The following NEK11 variants were observed in gnomAD, a reference collection of about 807,000 sequenced individuals.
NEK11 encodes serine/threonine-protein kinase Nek11.
A neutral mutation model predicts 80.7 loss-of-function variants in NEK11; 72 were observed. The observed-to-expected ratio is 0.89, with a 90% CI of 0.74 to 1.08. NEK11 has a LOEUF of 1.08. NEK11 is among the 50% of genes least tolerant of loss of function. NEK11 has a pLI of 0.00. For missense variants in NEK11, 764 were observed against 763.6 expected, an observed-to-expected ratio of 1.00 and a Z score of -0.01; for synonymous variants, 251 against 260.7, an observed-to-expected ratio of 0.96 and a Z score of 0.36.
chr3:131,338,621 C>T (rs747084678), intron 17 of NEK11, among the ~76,000 whole-genome samples: 15 of 152,128 alleles, frequency 9.9e-5, no homozygotes, highest in Admixed American at 2.0e-4. Context: ...AATGGATAAA[C>T]CAACTGCAGC....
chr3:131,111,878 T>G (rs2080191075), intron 5 of NEK11, among the ~76,000 whole-genome samples: 1 of 152,164 alleles, frequency 6.6e-6, no homozygotes, highest in Non-Finnish European at 1.5e-5. Context: ...GTTGTTATAA[T>G]TTAATATAGA....
intron 17 of NEK11, among the ~76,000 whole-genome samples, chr3:131,277,693 C>A (rs1181685229): frequency 6.6e-6 from 1 of 152,096 alleles, no homozygotes; most frequent in African/African-American, 2.4e-5. Context: ...TAGAGTAGAC[C>A]CTAGCACAGT....
intron 17 of NEK11, among the ~76,000 whole-genome samples, chr3:131,347,278 T>C (rs1459398117): frequency 6.6e-6 from 1 of 152,220 alleles, no homozygotes; most frequent in Non-Finnish European, 1.5e-5. Context: ...CTTATTCTCA[T>C]CTGTAAAATG....
intron 3 of NEK11, among the ~76,000 whole-genome samples, chr3:131,055,505 A>T (rs931555024): frequency 1.3e-5 from 2 of 152,086 alleles, no homozygotes; most frequent in Non-Finnish European, 2.9e-5. Context: ...GGAGGCTGAT[A>T]TGGGAGGATT....
chr3:131,148,037 T>G (rs1485707379), intron 7 of NEK11, among the ~76,000 whole-genome samples: 1 of 151,880 alleles, frequency 6.6e-6, no homozygotes, highest in African/African-American at 2.4e-5. Context: ...TTCCCTCCTA[T>G]ATCTGGTGTG....
chr3:131,040,681 A>C (rs77299371), intron 3 of NEK11, among the ~76,000 whole-genome samples: 1,539 of 152,296 alleles, frequency 0.01, 21 homozygotes, highest in East Asian at 0.074. Flanking sequence ...GAGAAAAATC[A>C]TAGGCTTTGT....
Position 131,152,496 on chromosome 3 carries a change from C to T in NEK11, c.756C>T (p.Leu252=). 2 of 1,613,650 alleles carry T rather than the reference C, an allele frequency of 1.2e-6. No homozygotes were observed. The highest frequency in any genetic ancestry group is 1.7e-6 in the Non-Finnish European group (2 of 1,179,748). The change falls in exon 8 of 18, where the codon CTC becomes CTT. Residue 252 remains leucine, a synonymous_variant. Transcript: ENST00000383366. ...LKIVEGDTPS[L]PERYPKELNA... ...TTGTTGAAGGTGACACACCTTCTCT[C>T]CCTGAGAGATATCCAAAAGAACTAA... is the stretch of plus-strand genomic sequence containing the variant.
chr3:131,047,079 G>A (rs1203047270), intron 3 of NEK11, among the ~76,000 whole-genome samples: 1 of 152,024 alleles, frequency 6.6e-6, no homozygotes, highest in African/African-American at 2.4e-5. Flanking sequence ...CGATTCTATT[G>A]CTGAGACTTT....
At chr3:131,177,162 C>G (rs962540116) in intron 14 of NEK11, among the ~76,000 whole-genome samples, 7 of 152,166 alleles carry the variant, frequency 4.6e-5, no homozygotes, top group South Asian at 2.1e-4. Context: ...GTGCTTACCA[C>G]TTGGAGAACA....
chr3:131,182,133 A>G (rs899008200), intron 14 of NEK11, among the ~76,000 whole-genome samples: 2 of 145,802 alleles, frequency 1.4e-5, no homozygotes, highest in African/African-American at 5.3e-5. Context: ...GAAATAGCAC[A>G]TCTCCAGAAA....
At chr3:131,213,560 G>C (rs148237978) in intron 14 of NEK11, among the ~76,000 whole-genome samples, 2 of 152,292 alleles carry the variant, frequency 1.3e-5, no homozygotes, top group African/African-American at 4.8e-5. Context: ...GCCGCCTATG[G>C]TAGTAATTTA....
At chr3:131,267,313 G>T (rs187984327) in intron 16 of NEK11, among the ~76,000 whole-genome samples, 18 of 152,326 alleles carry the variant, frequency 1.2e-4, no homozygotes, top group African/African-American at 3.8e-4. Flanking sequence ...GCATGTTTTT[G>T]CAGTGGCTGG....
At chr3:131,202,142 T>C (rs2094258399) in intron 14 of NEK11, among the ~76,000 whole-genome samples, 1 of 152,084 alleles carries the variant, frequency 6.6e-6, no homozygotes, top group East Asian at 1.9e-4. Context: ...GAGGGCGGAA[T>C]AGGAACAGCT....
chr3:131,062,563 T>G (rs924317859), intron 3 of NEK11, among the ~76,000 whole-genome samples: 3 of 152,212 alleles, frequency 2.0e-5, no homozygotes, highest in Non-Finnish European at 2.9e-5. Flanking sequence ...TAAAAAGTTA[T>G]CTTGTGCTCC....
intron 10 of NEK11, among the ~76,000 whole-genome samples, chr3:131,155,417 T>A (rs764340690): frequency 1.3e-5 from 2 of 152,166 alleles, no homozygotes; most frequent in Non-Finnish European, 2.9e-5. Context: ...TTAGTAACAT[T>A]TATGCTAATG....
At chr3:131,341,408 CA>C (rs1210540857) in intron 17 of NEK11, among the ~76,000 whole-genome samples, 5 of 152,080 alleles carry the variant, frequency 3.3e-5, no homozygotes, top group Non-Finnish European at 7.4e-5. Flanking sequence ...TATATGAAAC[CA>C]ATTATTCAGC....
chr3:131,202,047 A>T lies in NEK11; in HGVS notation c.1400-26481A>T, dbSNP rs181281532. 4.5e-3 allele frequency among the ~76,000 whole-genome samples: 690 copies of T among 151,986 alleles called. 3 individuals carry two copies. The highest frequency in any genetic ancestry group is 7.2e-3 in the Non-Finnish European group (487 of 67,962). Reference sequence around the variant, plus strand: ...ACGGGGTTTCACCATGTTAGCCAGGATGGTCTCGATCTCCTGACCTCATGA... The same window carrying T: ...ACGGGGTTTCACCATGTTAGCCAGGTTGGTCTCGATCTCCTGACCTCATGA... On this transcript the variant is annotated intron_variant, in intron 14 of 17. Coordinates refer to ENST00000383366, the MANE Select transcript of NEK11 (RefSeq NM_024800.5).
chr3:131,204,756 C>A (rs982358213), intron 14 of NEK11, among the ~76,000 whole-genome samples: 1 of 151,720 alleles, frequency 6.6e-6, no homozygotes, highest in African/African-American at 2.4e-5. Context: ...AATTAATTTT[C>A]TAGTGGAAGG....
At chr3:131,270,076 T>C (rs1463660616) in intron 16 of NEK11, among the ~76,000 whole-genome samples, 1 of 152,160 alleles carries the variant, frequency 6.6e-6, no homozygotes, top group Non-Finnish European at 1.5e-5. Flanking sequence ...AGGGTTGCCG[T>C]GAGGTAAGAC....
Sources: allele counts gnomAD v4.1 joint callset (sites outside exome capture counted in the v4.1 genomes callset), GRCh38; gene constraint gnomAD v4.1.1; transcripts MANE v1.5; gene names NCBI Gene and HGNC (gene_info 2026-07-23, HGNC 2026-07-21).